Variants in RAB3GAP2 observed in about 807,000 individuals in gnomAD.
The protein encoded by RAB3GAP2 is RAB3 GTPase activating non-catalytic protein subunit 2, also known as rab3 GTPase-activating protein non-catalytic subunit.
RAB3GAP2 carries 87 observed loss-of-function variants against 185.3 expected under a neutral mutation model. That is an observed-to-expected ratio of 0.47 (90% CI 0.39 to 0.56). The LOEUF (loss-of-function observed/expected upper bound fraction) is 0.56. RAB3GAP2 is among the 20% of genes least tolerant of loss of function. RAB3GAP2 has a pLI of 0.00. For synonymous variants in RAB3GAP2, 554 were observed against 576.1 expected, an observed-to-expected ratio of 0.96 and a Z score of 0.55; for missense variants, 1,492 against 1,638.2, an observed-to-expected ratio of 0.91 and a Z score of 1.54.
chr1:220,183,386 C>A (rs1658448770), intron 19 of RAB3GAP2, among the ~76,000 whole-genome samples: 1 of 151,806 alleles, frequency 6.6e-6, no homozygotes, highest in Admixed American at 6.6e-5. Flanking sequence ...GTAGCCGGGA[C>A]CACAAGTGTG....
intron 1 of RAB3GAP2, among the ~76,000 whole-genome samples, chr1:220,260,460 T>C (rs759534791): frequency 2.6e-5 from 4 of 151,896 alleles, no homozygotes; most frequent in Non-Finnish European, 5.9e-5. Flanking sequence ...ATGGATGGAG[T>C]TGGAGGCCAT....
chr1:220,183,764 C>G lies in RAB3GAP2; in HGVS notation c.1998+272G>C, dbSNP rs1449373562. 6.6e-5 allele frequency among the ~76,000 whole-genome samples: 10 copies of G among 152,166 alleles called. No homozygotes were observed. The East Asian group carries it at 1.9e-3, about 29-fold the overall frequency. On this transcript the variant is annotated intron_variant, in intron 19 of 34. Coordinates refer to ENST00000358951, the MANE Select transcript of RAB3GAP2 (RefSeq NM_012414.4). ...CTGTATGTGGCTCTCAGGGATACAACCTGCTAGGCTTTCAAACTATTTTTA... is the reference window on the plus strand; with the variant it reads ...CTGTATGTGGCTCTCAGGGATACAAGCTGCTAGGCTTTCAAACTATTTTTA...
At chr1:220,267,383 T>C (rs529950879) in intron 1 of RAB3GAP2, 3 of 1,240,234 alleles carry the variant, frequency 2.4e-6, no homozygotes, top group Admixed American at 3.4e-5. Context: ...ACTTCTCTTC[T>C]GAGTTGATGC....
intron 1 of RAB3GAP2, among the ~76,000 whole-genome samples, chr1:220,239,519 C>T (rs1478217846): frequency 6.6e-6 from 1 of 152,202 alleles, no homozygotes; most frequent in South Asian, 2.1e-4. Context: ...ACATGAGCCA[C>T]TGCACCCGGC....
chr1:220,245,114 A>T (rs1659775145), intron 1 of RAB3GAP2, among the ~76,000 whole-genome samples: 1 of 148,538 alleles, frequency 6.7e-6, no homozygotes, highest in Admixed American at 6.6e-5. Context: ...GAACTCAAAC[A>T]AATCAGCAAG....
chr1:220,200,662 C>CTTAA lies in RAB3GAP2; in HGVS notation c.811+1610_811+1613dup, dbSNP rs754763525. On this transcript the variant is annotated intron_variant, in intron 9 of 34. Coordinates refer to ENST00000358951, the MANE Select transcript of RAB3GAP2 (RefSeq NM_012414.4). ...AGCAGGGAAGCTACCCTGAACTGAA[C>CTTAA]TTAACACTTTGGAATTTTGCAGCAT... 4 of 517,338 alleles carry CTTAA rather than the reference C, an allele frequency of 7.7e-6. No homozygotes were observed. The Admixed American group carries it at 8.2e-5, about 11-fold the overall frequency. 32.0% of individuals were successfully genotyped at this position (517,338 alleles called of 1,614,324 possible).
At chr1:220,177,052 C>T (rs1658304853) in intron 21 of RAB3GAP2, among the ~76,000 whole-genome samples, 1 of 152,222 alleles carries the variant, frequency 6.6e-6, no homozygotes, top group Non-Finnish European at 1.5e-5. Flanking sequence ...CTAACTGCAG[C>T]TGGGGACCCA....
chr1:220,211,494 G>A, intron 4 of RAB3GAP2: 1 of 385,180 alleles, frequency 2.6e-6, no homozygotes. Context: ...AGGAACTTAT[G>A]TATTTCAACT....
At chr1:220,208,248 G>C (rs1558155954) in intron 7 of RAB3GAP2, 1 of 152,134 alleles carries the variant, frequency 6.6e-6, no homozygotes, top group Admixed American at 6.5e-5. Flanking sequence ...TTAGAAAAAT[G>C]AAAAACATCT....
chr1:220,231,686 T>C (rs1168698832), intron 2 of RAB3GAP2, among the ~76,000 whole-genome samples: 1 of 152,186 alleles, frequency 6.6e-6, no homozygotes, highest in Non-Finnish European at 1.5e-5. Flanking sequence ...GAAATGAGCA[T>C]GTGGCCCAAT....
At chr1:220,248,824 T>C (rs1245954799) in intron 1 of RAB3GAP2, among the ~76,000 whole-genome samples, 1 of 152,136 alleles carries the variant, frequency 6.6e-6, no homozygotes, top group Non-Finnish European at 1.5e-5. Flanking sequence ...CATAGTGAGT[T>C]CTCACGAGAT....
At chr1:220,157,582 T>G in intron 30 of RAB3GAP2, 94 bp from the exon 31 acceptor site, 6 of 1,287,532 alleles carry the variant, frequency 4.7e-6, no homozygotes, top group Non-Finnish European at 6.7e-6. Context: ...AAGTGCAAAT[T>G]CATATTGCAC....
intron 26 of RAB3GAP2, among the ~76,000 whole-genome samples, chr1:220,166,912 G>C (rs1407187600): frequency 1.3e-5 from 2 of 152,158 alleles, no homozygotes; most frequent in African/African-American, 4.8e-5. Flanking sequence ...TTTCATGCAG[G>C]AATTCAGAAG....
In RAB3GAP2 at chr1:220,253,553, C is replaced by T. The variant is rs1288873039; in HGVS notation, c.115+18670G>A. ...CGGGGGTGGTGGGAGAAGGAGGAGG[C>T]GGCAAATCACTTATAAATGGCGCGG... On this transcript the variant is annotated intron_variant, in intron 1 of 34. Transcript: ENST00000358951. 3.1e-5 allele frequency: 49 copies of T among 1,579,196 alleles called. No homozygotes were observed. The East Asian group carries it at 3.4e-4, about 11-fold the overall frequency.
chr1:220,182,248 A>G lies in RAB3GAP2; in HGVS notation c.2310+9T>C. On this transcript the variant is annotated intron_variant, in intron 21 of 34. Transcript: ENST00000358951. ...GAAGAACAGCATCCAGCAACCAAAAAAACCTTACCAACAACAGCTGAGGGC... is the reference window on the plus strand; with the variant it reads ...GAAGAACAGCATCCAGCAACCAAAAGAACCTTACCAACAACAGCTGAGGGC... 6.2e-7 allele frequency: 1 copy of G among 1,613,974 alleles called. No homozygotes were observed. The highest frequency in any genetic ancestry group is 8.5e-7 in the Non-Finnish European group (1 of 1,179,960).
intron 2 of RAB3GAP2, among the ~76,000 whole-genome samples, chr1:220,232,337 A>C (rs141288998): frequency 6.6e-6 from 1 of 152,298 alleles, no homozygotes; most frequent in East Asian, 1.9e-4. Context: ...TGAATAGATT[A>C]AGGACGTTAA....
At chr1:220,168,005 T>C (rs1658104501) in intron 24 of RAB3GAP2, among the ~76,000 whole-genome samples, 2 of 152,242 alleles carry the variant, frequency 1.3e-5, no homozygotes, top group African/African-American at 4.8e-5. Context: ...TAATATATAC[T>C]TAAAACACTT....
At chr1:220,213,739 G>GT (rs1338567416) in intron 3 of RAB3GAP2, 117 bp downstream of exon 3, 10 of 993,490 alleles carry the variant, frequency 1.0e-5, no homozygotes, top group South Asian at 3.1e-5. Flanking sequence ...AGTTGGGGGG[G>GT]GGGGGAGAGA....
chr1:220,226,063 A>C (rs1478984617), intron 2 of RAB3GAP2, among the ~76,000 whole-genome samples: 1 of 152,188 alleles, frequency 6.6e-6, no homozygotes. Context: ...AAACAGATGG[A>C]GCACATTTCA....
Sources: gnomAD v4.1 joint callset for allele counts (sites outside exome capture counted in the v4.1 genomes callset) on GRCh38, gnomAD v4.1.1 for gene constraint, MANE v1.5 for transcripts, NCBI Gene and HGNC (gene_info 2026-07-23, HGNC 2026-07-21) for gene names.